The following CIB2 variants were observed in gnomAD, a reference collection of about 807,000 sequenced individuals.
The protein encoded by CIB2 is calcium and integrin-binding family member 2.
In CIB2, 19 loss-of-function variants were observed where a neutral mutation model predicts 23.1. The observed-to-expected ratio is 0.82, with a 90% CI of 0.57 to 1.21. The LOEUF is 1.21. Ranked by LOEUF, CIB2 falls within the 50% of genes most tolerant of loss-of-function variation. CIB2 has a pLI of 0.00. For synonymous variants in CIB2, 94 were observed against 91.7 expected (o/e 1.03, Z -0.14); for missense variants, 220 against 241.5 (o/e 0.91, Z 0.59).
intron 2 of CIB2, 41 bp downstream of exon 2, chr15:78,123,664 C>G: frequency 6.2e-7 from 1 of 1,611,760 alleles, no homozygotes; most frequent in Middle Eastern, 1.7e-4. Flanking sequence ...ACCCCGGCCC[C>G]AGTCCCAGTC....
intron 1 of CIB2, among the ~76,000 whole-genome samples, chr15:78,127,252 C>G (rs564326093): frequency 1.2e-4 from 19 of 152,282 alleles, no homozygotes; most frequent in African/African-American, 4.3e-4. Flanking sequence ...CCTCAGCTGC[C>G]CTGGGAGCTA....
chr15:78,130,179 C>A (rs983204155), intron 1 of CIB2, among the ~76,000 whole-genome samples: 4 of 152,204 alleles, frequency 2.6e-5, no homozygotes, highest in Non-Finnish European at 4.4e-5. Context: ...AATCCTGCCC[C>A]CTCCGCCTGG....
chr15:78,123,775 G>A, intron 1 of CIB2, 36 bp from the exon 2 acceptor site: 1 of 1,613,656 alleles, frequency 6.2e-7, no homozygotes, highest in Non-Finnish European at 8.5e-7. Context: ...CAGTCAGTGT[G>A]CGGCTCCCAG....
intron 3 of CIB2, 151 bp from the exon 4 acceptor site, chr15:78,109,533 C>T (rs771189371): frequency 2.6e-5 from 21 of 802,780 alleles, no homozygotes; most frequent in Non-Finnish European, 3.7e-5. Flanking sequence ...ATAATAATAA[C>T]ACCTTCTTAA....
intron 3 of CIB2, 153 bp from the exon 4 acceptor site, chr15:78,109,535 C>G: frequency 2.5e-6 from 2 of 790,608 alleles, no homozygotes; most frequent in Non-Finnish European, 4.2e-6. Context: ...AATAATAACA[C>G]CTTCTTAATT....
At chr15:78,128,795 G>C (rs1420740319) in intron 1 of CIB2, among the ~76,000 whole-genome samples, 1 of 152,148 alleles carries the variant, frequency 6.6e-6, no homozygotes. Flanking sequence ...GCGCAGGAGG[G>C]AGCAGTCAGA....
chr15:78,109,731 C>T (rs2074127625), intron 3 of CIB2, among the ~76,000 whole-genome samples: 1 of 144,030 alleles, frequency 6.9e-6, no homozygotes, highest in African/African-American at 2.6e-5. Flanking sequence ...CACTTGAGCC[C>T]AGGAGTTTGA....
intron 1 of CIB2, among the ~76,000 whole-genome samples, chr15:78,124,507 C>T (rs1012107182): frequency 1.3e-5 from 2 of 152,126 alleles, no homozygotes; most frequent in African/African-American, 4.8e-5. Flanking sequence ...CCTCTATCCA[C>T]AGCTTGGCCT....
At chr15:78,128,796 A>G (rs1018635323) in intron 1 of CIB2, among the ~76,000 whole-genome samples, 17 of 151,702 alleles carry the variant, frequency 1.1e-4, no homozygotes, top group African/African-American at 4.1e-4. Flanking sequence ...CGCAGGAGGG[A>G]GCAGTCAGAC....
chr15:78,112,307 C>T (rs2074172682), intron 2 of CIB2, among the ~76,000 whole-genome samples: 1 of 152,192 alleles, frequency 6.6e-6, no homozygotes, highest in Non-Finnish European at 1.5e-5. Flanking sequence ...TGGCCTATGC[C>T]TGTAAACCCA....
intron 1 of CIB2, among the ~76,000 whole-genome samples, chr15:78,126,166 G>A (rs561708016): frequency 8.1e-5 from 11 of 136,114 alleles, no homozygotes; most frequent in South Asian, 2.3e-4. Flanking sequence ...TTTTTGAGAC[G>A]GAGTCTTGCT....
At chr15:78,112,034 C>T (rs1156905795) in intron 2 of CIB2, among the ~76,000 whole-genome samples, 5 of 152,166 alleles carry the variant, frequency 3.3e-5, no homozygotes, top group Non-Finnish European at 7.4e-5. Context: ...GCCCTCCCTC[C>T]TCACTGATGG....
At chr15:78,114,775 C>CAAAAAAAA (rs781254176) in intron 2 of CIB2, among the ~76,000 whole-genome samples, 1 of 66,944 alleles carries the variant, frequency 1.5e-5, no homozygotes. Flanking sequence ...CATGTCTCTA[C>CAAAAAAAA]AAAAAAAAAA....
At chr15:78,109,754 C>T (rs1026740345) in intron 3 of CIB2, among the ~76,000 whole-genome samples, 10 of 143,056 alleles carry the variant, frequency 7.0e-5, no homozygotes, top group Non-Finnish European at 6.0e-5. Flanking sequence ...CTTCAGTGAG[C>T]CATGATCGTC....
rs117386798 is a variant in CIB2, at chr15:78,117,484, G to A, written c.87-6208C>T. Among the ~76,000 whole-genome samples, 949 of 152,288 alleles carry A rather than the reference G, an allele frequency of 6.2e-3. 3 individuals are homozygous for A. Among genetic ancestry groups the A allele is most frequent in the Non-Finnish European group, 0.01 (704 of 68,016 alleles). Reference sequence around the variant, plus strand: ...AGAATGAGCCCATGACACAGCATTTGAAATCAATGGGGAAAAGATTAATTC... The same window carrying A: ...AGAATGAGCCCATGACACAGCATTTAAAATCAATGGGGAAAAGATTAATTC... On this transcript the variant is annotated intron_variant, in intron 2 of 5. Coordinates refer to ENST00000258930, the MANE Select transcript of CIB2 (RefSeq NM_006383.4).
intron 2 of CIB2, among the ~76,000 whole-genome samples, chr15:78,113,561 C>G (rs912604407): frequency 6.7e-6 from 1 of 149,070 alleles, no homozygotes. Flanking sequence ...GACGGAGTCT[C>G]GCTCTGTCGC....
At chr15:78,118,026 T>C (rs2074263704) in intron 2 of CIB2, among the ~76,000 whole-genome samples, 1 of 152,242 alleles carries the variant, frequency 6.6e-6, no homozygotes, top group South Asian at 2.1e-4. Context: ...GAAATCTAAA[T>C]GTTCAACTAT....
rs1245617547 is a variant in CIB2, at chr15:78,104,962, C to A, written c.*349G>T. ...ACCAGGGTGTCTGCCAGCACTTGGA[C>A]ACGTCAGACCCCACCACCTCCTGTT... On this transcript the variant is annotated 3_prime_UTR_variant, in exon 6 of 6. Coordinates refer to ENST00000258930, the MANE Select transcript of CIB2 (RefSeq NM_006383.4). The surrounding 1 kb of genome is among the most constrained non-coding windows in gnomAD (Gnocchi z 4.4). 1.0e-5 allele frequency: 3 copies of A among 287,828 alleles called. No homozygotes were observed. Among genetic ancestry groups the A allele is most frequent in the East Asian group, 1.3e-4 (2 of 14,892 alleles). 17.8% of individuals were successfully genotyped at this position (287,828 alleles called of 1,614,324 possible).
intron 2 of CIB2, among the ~76,000 whole-genome samples, chr15:78,121,604 T>A (rs1210123689): frequency 6.6e-6 from 1 of 152,158 alleles, no homozygotes; most frequent in African/African-American, 2.4e-5. Context: ...TCTCACGAGA[T>A]CTGATGGTTT....
Sources: gnomAD v4.1 joint callset for allele counts (sites outside exome capture counted in the v4.1 genomes callset) on GRCh38, gnomAD v4.1.1 for gene constraint, Gnocchi (gnomAD v3.1) non-coding constraint, MANE v1.5 for transcripts, NCBI Gene and HGNC (gene_info 2026-07-23, HGNC 2026-07-21) for gene names.